TRAPPC8: variants seen among roughly 807,000 people sequenced by gnomAD.
TRAPPC8 encodes general sporulation gene 1 homolog.
Under a neutral mutation model 174.3 loss-of-function variants are expected in TRAPPC8, and 54 were observed. That is an observed-to-expected ratio of 0.31 (90% CI 0.25 to 0.39). The LOEUF (loss-of-function observed/expected upper bound fraction) is 0.39, where lower values mean the gene tolerates loss of function less well. Ranked by LOEUF, TRAPPC8 falls within the 10% of genes least tolerant of loss-of-function variation. TRAPPC8 has a pLI of 1.00. For synonymous variants in TRAPPC8, 630 were observed against 579.9 expected, an observed-to-expected ratio of 1.09 and a Z score of -1.24; for missense variants, 1,531 against 1,699.1, an observed-to-expected ratio of 0.90 and a Z score of 1.74.
At chr18:31,851,421 C>T (rs1284588906) in intron 24 of TRAPPC8, among the ~76,000 whole-genome samples, 1 of 152,112 alleles carries the variant, frequency 6.6e-6, no homozygotes. Flanking sequence ...CTACCCAAGT[C>T]CTGTGGAATC....
chr18:31,869,320 A>G (rs1368102986), intron 16 of TRAPPC8, among the ~76,000 whole-genome samples: 1 of 152,220 alleles, frequency 6.6e-6, no homozygotes, highest in Non-Finnish European at 1.5e-5. Flanking sequence ...CCAGCAATCA[A>G]TGAAATGGAA....
rs151336458 is a variant in TRAPPC8, at chr18:31,934,022, C to T, written c.158-2499G>A. Among the ~76,000 whole-genome samples the T allele has an allele frequency of 1.4e-4, 21 of 152,018 alleles. No individual in the cohort carries two copies. In the South Asian group the frequency reaches 3.7e-3, roughly 27 times the overall value. On this transcript the variant is annotated intron_variant, in intron 1 of 28. Transcript: ENST00000283351. Reference sequence around the variant, plus strand: ...GGCCAACAAGGTGAAACCCCCATCTCTACTAAAATACAAAAATTAGCCAGG... The same window carrying T: ...GGCCAACAAGGTGAAACCCCCATCTTTACTAAAATACAAAAATTAGCCAGG...
chr18:31,840,919 A>T (rs2033057401), intron 26 of TRAPPC8, among the ~76,000 whole-genome samples: 1 of 152,130 alleles, frequency 6.6e-6, no homozygotes, highest in South Asian at 2.1e-4. Flanking sequence ...GGTAAAAAAA[A>T]AAAAAGACAA....
At chr18:31,839,768 T>C (rs534681566) in intron 26 of TRAPPC8, among the ~76,000 whole-genome samples, 1 of 152,336 alleles carries the variant, frequency 6.6e-6, no homozygotes, top group African/African-American at 2.4e-5. Flanking sequence ...TTTCTTCATA[T>C]GTAAAAAGAA....
intron 1 of TRAPPC8, among the ~76,000 whole-genome samples, chr18:31,939,966 C>T (rs1335462911): frequency 6.6e-6 from 1 of 152,194 alleles, no homozygotes; most frequent in Non-Finnish European, 1.5e-5. Flanking sequence ...GCCGCTATCA[C>T]AGCACTGTCC....
intron 19 of TRAPPC8, among the ~76,000 whole-genome samples, chr18:31,861,130 C>T (rs2034299674): frequency 6.6e-6 from 1 of 152,130 alleles, no homozygotes; most frequent in Admixed American, 6.5e-5. Flanking sequence ...AAATCCACCC[C>T]CGCAGAAATG....
intron 7 of TRAPPC8, 143 bp downstream of exon 7, chr18:31,908,611 A>C: frequency 2.0e-6 from 2 of 990,242 alleles, no homozygotes. Flanking sequence ...ACAGAATTTC[A>C]TCATTGATAG....
At position 31,903,488 on chromosome 18, in the gene TRAPPC8, T is replaced by C. The variant is rs114932576; in HGVS notation, c.1390-2463A>G. 4.5e-3 allele frequency among the ~76,000 whole-genome samples: 685 copies of C among 152,316 alleles called. 4 individuals are homozygous for C. The highest frequency in any genetic ancestry group is 0.016 in the African/African-American group (658 of 41,558). ...ATTTCTACTATCACCCTCCTCCCTGTTCTTCCCTAACCTTCAATAAGTAGA... is the reference window on the plus strand; with the variant it reads ...ATTTCTACTATCACCCTCCTCCCTGCTCTTCCCTAACCTTCAATAAGTAGA... On this transcript the variant is annotated intron_variant, in intron 9 of 28. Coordinates refer to ENST00000283351, the MANE Select transcript of TRAPPC8 (RefSeq NM_014939.5).
chr18:31,937,445 T>C (rs1419006965), intron 1 of TRAPPC8: 1 of 150,962 alleles, frequency 6.6e-6, no homozygotes, highest in African/African-American at 2.4e-5. Context: ...AGGGAGGATA[T>C]TTTGAGCCAG....
chr18:31,905,628 T>C (rs2036624936), intron 9 of TRAPPC8, among the ~76,000 whole-genome samples: 1 of 152,200 alleles, frequency 6.6e-6, no homozygotes, highest in African/African-American at 2.4e-5. Context: ...CATTTAATGT[T>C]TTTGTTTGTG....
At chr18:31,888,557 T>C (rs556450729) in intron 12 of TRAPPC8, among the ~76,000 whole-genome samples, 1 of 152,166 alleles carries the variant, frequency 6.6e-6, no homozygotes, top group South Asian at 2.1e-4. Context: ...ATGTGGTACA[T>C]ACATACACAC....
At chr18:31,942,484 CCA>C in intron 1 of TRAPPC8, 122 bp downstream of exon 1, 1 of 1,300,420 alleles carries the variant, frequency 7.7e-7, no homozygotes, top group African/African-American at 1.5e-5. Context: ...GGCCACAGCC[CCA>C]GACGCCACGG....
chr18:31,900,974 G>T lies in TRAPPC8; in HGVS notation c.1441C>A (p.Pro481Thr). 6.3e-7 allele frequency: 1 copy of T among 1,591,730 alleles called. No individual in the cohort carries two copies. The highest frequency in any genetic ancestry group is 8.5e-7 in the Non-Finnish European group (1 of 1,173,836). ...ATTGCTGTATCCATGTAATGAGCAG[G>T]ATATGGCCTAGGTGCTCCTGGTTGA... Reference protein sequence around the residue: ...FLQPGAPRPYPAHYMDTAIQT... With the variant: ...FLQPGAPRPYTAHYMDTAIQT... Residue 481 changes from proline to threonine, a missense_variant, in exon 10 of 29, where the codon CCT becomes ACT. Pro to Thr is a conservative substitution (Grantham distance 38). Coordinates refer to ENST00000283351, the MANE Select transcript of TRAPPC8 (RefSeq NM_014939.5).
intron 11 of TRAPPC8, among the ~76,000 whole-genome samples, chr18:31,892,237 G>A (rs1421080950): frequency 6.6e-6 from 1 of 152,076 alleles, no homozygotes; most frequent in South Asian, 2.1e-4. Flanking sequence ...CAGCTTAATA[G>A]TGTTGTGTCA....
rs745488703 is a variant in TRAPPC8, at chr18:31,935,548, T to TGAAAAAAAAAAAAAAAAAAAAAA, written c.158-4026_158-4025insTTTTTTTTTTTTTTTTTTTTTTC. On this transcript the variant is annotated intron_variant, in intron 1 of 28. Transcript: ENST00000283351. Reference sequence around the variant, plus strand: ...GGGCAACAAGAGCGAAACTCCATCTTAAAAAAAAAAAAAAAAAAAAGCAGG... The same window carrying TGAAAAAAAAAAAAAAAAAAAAAA: ...GGGCAACAAGAGCGAAACTCCATCTTGAAAAAAAAAAAAAAAAAAAAAAAAAAAAAAAAAAAAAAAAAAGCAGG... Among the ~76,000 whole-genome samples, 267 of 46,260 alleles carry TGAAAAAAAAAAAAAAAAAAAAAA rather than the reference T, an allele frequency of 5.8e-3. 82 individuals are homozygous for TGAAAAAAAAAAAAAAAAAAAAAA. The highest frequency in any genetic ancestry group is 0.013 in the Middle Eastern group (1 of 78). 30.3% of individuals were successfully genotyped at this position (46,260 alleles called of 152,430 possible).
At chr18:31,898,845 A>G (rs2036290723) in intron 10 of TRAPPC8, among the ~76,000 whole-genome samples, 2 of 152,234 alleles carry the variant, frequency 1.3e-5, no homozygotes, top group South Asian at 4.1e-4. Flanking sequence ...GGCAAACAGC[A>G]GCAAAAGTTT....
At chr18:31,924,738 CAAAAA>C (rs398032376) in intron 2 of TRAPPC8, among the ~76,000 whole-genome samples, 1,356 of 91,836 alleles carry the variant, frequency 0.015, 21 homozygotes, top group African/African-American at 0.053. Flanking sequence ...AACTCCGTCT[CAAAAA>C]AAAAAAAAAA....
chr18:31,922,910 G>A (rs1360748348), intron 2 of TRAPPC8, among the ~76,000 whole-genome samples: 6 of 152,066 alleles, frequency 3.9e-5, no homozygotes, highest in Admixed American at 2.0e-4. Flanking sequence ...CCCGCTACTC[G>A]GGAGGCTGAG....
intron 4 of TRAPPC8, among the ~76,000 whole-genome samples, chr18:31,913,974 T>C (rs556685255): frequency 6.4e-4 from 98 of 152,064 alleles, no homozygotes; most frequent in African/African-American, 2.3e-3. Flanking sequence ...GAGACCATCC[T>C]AGGCAACATA....
Sources: allele counts gnomAD v4.1 joint callset (sites outside exome capture counted in the v4.1 genomes callset), GRCh38; gene constraint gnomAD v4.1.1; transcripts MANE v1.5; gene names NCBI Gene and HGNC (gene_info 2026-07-23, HGNC 2026-07-21).